The following RPS12 variants were observed in gnomAD, a reference collection of about 807,000 sequenced individuals.
The protein encoded by RPS12 is small ribosomal subunit protein eS12.
In RPS12, 1 loss-of-function variant was observed where a neutral mutation model predicts 17.2. The observed-to-expected ratio is 0.06, with a 90% CI of 0.02 to 0.28. The LOEUF is 0.28. Ranked by LOEUF, RPS12 falls within the 10% of genes least tolerant of loss-of-function variation. RPS12 has a pLI of 1.00. For synonymous variants in RPS12, 67 were observed against 54.0 expected (o/e 1.24, Z -1.06); for missense variants, 146 against 162.1 (o/e 0.90, Z 0.54).
chr6:132,814,573 T>G lies in RPS12; in HGVS notation c.-78T>G, dbSNP rs1047991044. 1.4e-6 allele frequency: 1 copy of G among 738,712 alleles called. No individual in the cohort carries two copies. The highest frequency in any genetic ancestry group is 1.7e-5 in the African/African-American group (1 of 57,882). 45.8% of individuals were successfully genotyped at this position (738,712 alleles called of 1,614,324 possible). ...CGGCATGCGTGCGGATGAGGCCTCT[T>G]TCCCTGCCGCCGCCGAGTCGCGCGG... On this transcript the variant is annotated 5_prime_UTR_variant, in exon 1 of 6. Coordinates refer to ENST00000230050, the MANE Select transcript of RPS12 (RefSeq NM_001016.4).
intron 5 of RPS12, 49 bp downstream of exon 5, chr6:132,817,110 TA>T (rs1562281463): frequency 1.8e-6 from 2 of 1,134,088 alleles, no homozygotes; most frequent in East Asian, 2.3e-5. Context: ...GGTAATCATA[TA>T]AAACCTTGTA....
chr6:132,817,449 G>T (rs374460155), intron 5 of RPS12, 31 bp from the exon 6 acceptor site: 1 of 1,404,718 alleles, frequency 7.1e-7, no homozygotes. Context: ...ATATTAACAA[G>T]AAATTGCATG....
In RPS12 at chr6:132,814,614, G is replaced by A; in HGVS notation, c.-38+1G>A. 2 of 934,742 alleles carry A rather than the reference G, an allele frequency of 2.1e-6. No homozygotes were observed. The highest frequency in any genetic ancestry group is 2.4e-5 in the East Asian group (1 of 41,824). The allele number at this position is 934,742 out of a possible 1,614,324, so 57.9% of individuals were successfully genotyped here. On this transcript the variant is annotated splice_donor_variant, in intron 1 of 5. Coordinates refer to ENST00000230050, the MANE Select transcript of RPS12 (RefSeq NM_001016.4). LOFTEE classifies it low-confidence loss of function (5UTR_SPLICE). Reference sequence around the variant, plus strand: ...AGTCGCGCGGAGGCGGAGGCTTGGGGTAAGTTGAGCGAGGCGGCAGGGGGG... The same window carrying A: ...AGTCGCGCGGAGGCGGAGGCTTGGGATAAGTTGAGCGAGGCGGCAGGGGGG...
At chr6:132,815,527 TTAG>T (rs997013416) in intron 3 of RPS12, 6 of 416,734 alleles carry the variant, frequency 1.4e-5, no homozygotes, top group African/African-American at 1.2e-4. Context: ...CTAGATGAAT[TTAG>T]TAGTATAATA....
rs765911194 is a variant in RPS12, at chr6:132,815,021, C to T, written c.64C>T (p.Leu22=). 2.5e-5 allele frequency: 41 copies of T among 1,613,748 alleles called. No individual in the cohort carries two copies. Among genetic ancestry groups the T allele is most frequent in the Non-Finnish European group, 3.1e-5 (36 of 1,179,808 alleles). The part of the protein sequence containing the change: ...MDVNTALQEV[L]KTALIHDGLA... Reference sequence around the variant, plus strand: ...CGTTAATACTGCTTTACAAGAGGTTCTGAAGACTGCCCTCATCCACGATGG... The same window carrying T: ...CGTTAATACTGCTTTACAAGAGGTTTTGAAGACTGCCCTCATCCACGATGG... The change falls in exon 3 of 6, where the codon CTG becomes TTG. Residue 22 remains leucine, a synonymous_variant. Transcript: ENST00000230050.
At position 132,814,612 on chromosome 6, in the gene RPS12, G is replaced by C. The variant is rs1440138069; in HGVS notation, c.-39G>C. 4 of 915,920 alleles carry C rather than the reference G, an allele frequency of 4.4e-6. No individual in the cohort carries two copies. The highest frequency in any genetic ancestry group is 7.1e-6 in the Non-Finnish European group (4 of 560,730). The allele number at this position is 915,920 out of a possible 1,614,324, so 56.7% of individuals were successfully genotyped here. ...CGAGTCGCGCGGAGGCGGAGGCTTG[G>C]GGTAAGTTGAGCGAGGCGGCAGGGG... On this transcript the variant is annotated splice_region_variant and 5_prime_UTR_variant, in exon 1 of 6. Transcript: ENST00000230050.
chr6:132,815,168 A>G (rs1293156797), intron 3 of RPS12, 80 bp downstream of exon 3: 1 of 928,102 alleles, frequency 1.1e-6, no homozygotes, highest in South Asian at 1.3e-5. Flanking sequence ...CATGGAGTTC[A>G]TGGTGTTAGC....
intron 3 of RPS12, chr6:132,815,865 A>C (rs1246827916): frequency 2.3e-6 from 1 of 430,082 alleles, no homozygotes; most frequent in South Asian, 1.7e-5. Context: ...TTTTGAGACA[A>C]AGAGTCTTGC....
In RPS12 at chr6:132,814,594, C is replaced by A. The variant is rs548057303; in HGVS notation, c.-57C>A. On this transcript the variant is annotated 5_prime_UTR_variant, in exon 1 of 6. Coordinates refer to ENST00000230050, the MANE Select transcript of RPS12 (RefSeq NM_001016.4). ...CTCTTTCCCTGCCGCCGCCGAGTCG[C>A]GCGGAGGCGGAGGCTTGGGGTAAGT... 5 of 812,110 alleles carry A rather than the reference C, an allele frequency of 6.2e-6. No individual in the cohort carries two copies. Among genetic ancestry groups the A allele is most frequent in the African/African-American group, 1.7e-5 (1 of 59,078 alleles). 50.3% of individuals were successfully genotyped at this position (812,110 alleles called of 1,614,324 possible).
At position 132,814,995 on chromosome 6, in the gene RPS12, A is replaced by G. The variant is rs148631804; in HGVS notation, c.38A>G (p.Asp13Gly). 263 of 1,612,882 alleles carry G rather than the reference A, an allele frequency of 1.6e-4. No individual in the cohort carries two copies. Among genetic ancestry groups the G allele is most frequent in the Non-Finnish European group, 2.0e-4 (239 of 1,178,920 alleles). Residue 13 changes from aspartate (D) to glycine (G), a missense_variant, in exon 3 of 6, where the codon GAC becomes GGC. This residue lies in a region of RPS12 where 117 missense variants were observed against 104.6 expected (regional missense o/e 1.12). Coordinates refer to ENST00000230050, the MANE Select transcript of RPS12 (RefSeq NM_001016.4). ...EEGIAAGGVM[D>G]VNTALQEVLK... ...AGCATTGCTGCTGGAGGTGTAATGGACGTTAATACTGCTTTACAAGAGGTT... is the reference window on the plus strand; with the variant it reads ...AGCATTGCTGCTGGAGGTGTAATGGGCGTTAATACTGCTTTACAAGAGGTT...
At chr6:132,816,290 G>A (rs1035591187) in intron 3 of RPS12, among the ~76,000 whole-genome samples, 171 bp from the exon 4 acceptor site, 3 of 152,176 alleles carry the variant, frequency 2.0e-5, no homozygotes, top group African/African-American at 7.2e-5. Context: ...AGATGTATAT[G>A]CTCCCTAGCA....
Position 132,814,963 on chromosome 6 carries a change from G to A in RPS12, c.15-9G>A, listed in dbSNP as rs377325356. The A allele has an allele frequency of 3.8e-6, 6 of 1,573,172 alleles. No homozygotes were observed. In the East Asian group the frequency reaches 1.3e-4, roughly 35 times the overall value. On this transcript the variant is annotated splice_polypyrimidine_tract_variant and intron_variant, in intron 2 of 5. Coordinates refer to ENST00000230050, the MANE Select transcript of RPS12 (RefSeq NM_001016.4). Reference sequence around the variant, plus strand: ...TTTTAACTGATGGTTCTGATGTGTCGCGTTTAAGCATTGCTGCTGGAGGTG... The same window carrying A: ...TTTTAACTGATGGTTCTGATGTGTCACGTTTAAGCATTGCTGCTGGAGGTG...
At chr6:132,817,137 G>T in intron 5 of RPS12, 76 bp downstream of exon 5, 1 of 978,380 alleles carries the variant, frequency 1.0e-6, no homozygotes, top group Non-Finnish European at 1.6e-6. Context: ...ATAAGTTGAG[G>T]ATCTTATAAA....
At chr6:132,815,945 C>T (rs890851715) in intron 3 of RPS12, 7 of 452,928 alleles carry the variant, frequency 1.5e-5, no homozygotes, top group South Asian at 3.1e-5. Flanking sequence ...TCAAGCGATT[C>T]TTCTGCCTCC....
intron 4 of RPS12, 62 bp downstream of exon 4, chr6:132,816,625 TTCTG>T: frequency 9.2e-7 from 1 of 1,092,884 alleles, no homozygotes. Flanking sequence ...TGGGGGTAAA[TTCTG>T]TGAAGTCTCA....
chr6:132,815,828 CTT>C (rs368180955), intron 3 of RPS12: 2 of 402,508 alleles, frequency 5.0e-6, no homozygotes, highest in East Asian at 7.4e-5. Flanking sequence ...ATGCCACAGT[CTT>C]TTTTTTTTCT....
intron 3 of RPS12, chr6:132,815,991 C>T (rs908554621): frequency 4.5e-6 from 2 of 440,812 alleles, no homozygotes; most frequent in African/African-American, 2.0e-5. Flanking sequence ...GCCACCATGC[C>T]CAGCTAGTTT....
rs749403693 is a variant in RPS12, at chr6:132,814,755, C to G, written c.-14C>G. On this transcript the variant is annotated 5_prime_UTR_variant, in exon 2 of 6. Coordinates refer to ENST00000230050, the MANE Select transcript of RPS12 (RefSeq NM_001016.4). ...AGTGCGTTCAAGATTCAACTTCACC[C>G]GTAACCCACCGCCATGGCCGAGGAA... The G allele has an allele frequency of 3.1e-6, 5 of 1,613,514 alleles. No individual in the cohort carries two copies. The highest frequency in any genetic ancestry group is 4.2e-6 in the Non-Finnish European group (5 of 1,179,546).
intron 3 of RPS12, chr6:132,815,450 C>T (rs77103054): frequency 0.045 from 21,656 of 480,106 alleles, 645 homozygotes; most frequent in South Asian, 0.08. Context: ...CACATTACAT[C>T]TGGTAGTTTG....
Sources: allele counts gnomAD v4.1 joint callset (sites outside exome capture counted in the v4.1 genomes callset), GRCh38; gene constraint gnomAD v4.1.1; regional missense constraint gnomAD v4.1.1; transcripts MANE v1.5; gene names NCBI Gene and HGNC (gene_info 2026-07-23, HGNC 2026-07-21).